Variants in KCNQ3 observed in about 807,000 individuals in gnomAD.
KCNQ3 encodes the protein potassium voltage-gated channel subfamily Q member 3.
In KCNQ3, 30 loss-of-function variants were observed where a neutral mutation model predicts 92.5. The observed-to-expected ratio is 0.32, with a 90% CI of 0.24 to 0.44. The LOEUF (loss-of-function observed/expected upper bound fraction) is 0.44, where lower values mean the gene tolerates loss of function less well. Ranked by LOEUF, KCNQ3 falls within the 20% of genes least tolerant of loss-of-function variation. The pLI is 1.00. For missense variants in KCNQ3, 913 were observed against 1,140.3 expected, an observed-to-expected ratio of 0.80 and a Z score of 2.87; for synonymous variants, 450 against 468.8, an observed-to-expected ratio of 0.96 and a Z score of 0.52.
At chr8:132,198,402 G>A (rs531099356) in intron 1 of KCNQ3, among the ~76,000 whole-genome samples, 1 of 152,356 alleles carries the variant, frequency 6.6e-6, no homozygotes, top group African/African-American at 2.4e-5. Context: ...AGTTTGTTAT[G>A]CAGGAATAGA....
At chr8:132,192,766 C>T (rs114680182) in intron 1 of KCNQ3, among the ~76,000 whole-genome samples, 115 of 152,330 alleles carry the variant, frequency 7.5e-4, no homozygotes, top group African/African-American at 2.7e-3. Context: ...TCTTCTGCCT[C>T]AGTCTCCCAA....
intron 1 of KCNQ3, among the ~76,000 whole-genome samples, chr8:132,329,326 C>G (rs1586931497): frequency 6.6e-6 from 1 of 152,164 alleles, no homozygotes; most frequent in East Asian, 1.9e-4. Context: ...GTGCTGCAAC[C>G]CAGGTAACGA....
At chr8:132,451,597 GGAA>G (rs1243105905) in intron 1 of KCNQ3, among the ~76,000 whole-genome samples, 9 of 152,184 alleles carry the variant, frequency 5.9e-5, no homozygotes, top group South Asian at 2.1e-4. Flanking sequence ...CAAAGTGCAG[GGAA>G]GAAGAAGATT....
chr8:132,299,161 CATAT>C (rs35617146), intron 1 of KCNQ3, among the ~76,000 whole-genome samples: 5,913 of 140,156 alleles, frequency 0.042, 389 homozygotes, highest in African/African-American at 0.15. Context: ...GCACATAGTA[CATAT>C]ATATATATAT....
intron 1 of KCNQ3, among the ~76,000 whole-genome samples, chr8:132,358,799 C>T (rs1173850222): frequency 2.0e-5 from 3 of 152,136 alleles, no homozygotes; most frequent in Non-Finnish European, 4.4e-5. Context: ...TGTACACTGT[C>T]GCTGAATAAG....
chr8:132,438,420 C>T (rs1821451350), intron 1 of KCNQ3, among the ~76,000 whole-genome samples: 1 of 152,110 alleles, frequency 6.6e-6, no homozygotes. Flanking sequence ...ATCTGAGGAA[C>T]TTAGGGACTC....
intron 1 of KCNQ3, among the ~76,000 whole-genome samples, chr8:132,252,631 C>T (rs1456091792): frequency 1.3e-5 from 2 of 152,328 alleles, no homozygotes; most frequent in African/African-American, 2.4e-5. Flanking sequence ...TTGGCCCCAC[C>T]TACATCCTGC....
intron 1 of KCNQ3, among the ~76,000 whole-genome samples, chr8:132,236,030 A>C (rs1814805207): frequency 6.6e-6 from 1 of 152,212 alleles, no homozygotes; most frequent in South Asian, 2.1e-4. Flanking sequence ...GAAACAGTTG[A>C]TAAATGGGCT....
At chr8:132,468,542 G>A (rs777424423) in intron 1 of KCNQ3, among the ~76,000 whole-genome samples, 15 of 152,238 alleles carry the variant, frequency 9.9e-5, no homozygotes, top group Admixed American at 6.5e-4. Context: ...TTGGTGATTT[G>A]CAAGCAGGCA....
At chr8:132,238,365 T>C (rs1161456123) in intron 1 of KCNQ3, among the ~76,000 whole-genome samples, 6 of 152,168 alleles carry the variant, frequency 3.9e-5, no homozygotes, top group Non-Finnish European at 1.5e-5. Context: ...TGGTCCTAAC[T>C]GAACCATTGG....
chr8:132,304,051 CAG>C (rs1013204888), intron 1 of KCNQ3, among the ~76,000 whole-genome samples: 6 of 152,024 alleles, frequency 3.9e-5, no homozygotes, highest in African/African-American at 1.4e-4. Context: ...AACTTAAAAA[CAG>C]AAAGTCAAAT....
At chr8:132,137,681 G>A (rs1002281091) in intron 12 of KCNQ3, among the ~76,000 whole-genome samples, 1 of 152,110 alleles carries the variant, frequency 6.6e-6, no homozygotes, top group Admixed American at 6.5e-5. Flanking sequence ...TGCTGACCTT[G>A]GCCATGGCAA....
chr8:132,404,398 T>C (rs1160959853), intron 1 of KCNQ3, among the ~76,000 whole-genome samples: 2 of 152,218 alleles, frequency 1.3e-5, no homozygotes, highest in Non-Finnish European at 2.9e-5. Flanking sequence ...GGCTAATTTA[T>C]AGAGGTGATT....
chr8:132,323,287 A>G (rs561591220), intron 1 of KCNQ3, among the ~76,000 whole-genome samples: 11 of 152,162 alleles, frequency 7.2e-5, no homozygotes, highest in Non-Finnish European at 1.5e-4. Context: ...CATGGGTCCA[A>G]TCCAAGGGGC....
At position 132,480,199 on chromosome 8, in the gene KCNQ3, A is replaced by G. The variant is rs773139430; in HGVS notation, c.334T>C (p.Tyr112His). Residue 112 changes from tyrosine (Y) to histidine (H), a missense_variant, in exon 1 of 15, where the codon TAC (tyrosine) becomes CAC (histidine). By Grantham distance (83) the Tyr-to-His change is moderately conservative. This residue lies in a region of KCNQ3 where 183 missense variants were observed against 167.7 expected (regional missense o/e 1.09). Transcript: ENST00000388996. ...AKYRRIQTLIYDALERPRGWA... is the reference protein window; with the variant it reads ...AKYRRIQTLIHDALERPRGWA... Reference sequence around the variant, plus strand: ...CCCCGCGGTCTCTCCAGGGCGTCGTAGATCAAAGTTTGGATGCGCCGGTAC... The same window carrying G: ...CCCCGCGGTCTCTCCAGGGCGTCGTGGATCAAAGTTTGGATGCGCCGGTAC... The G allele has an allele frequency of 6.2e-7, 1 of 1,613,156 alleles. No individual in the cohort carries two copies. Among genetic ancestry groups the G allele is most frequent in the African/African-American group, 1.3e-5 (1 of 74,926 alleles).
intron 1 of KCNQ3, among the ~76,000 whole-genome samples, chr8:132,429,793 G>A (rs781013198): frequency 8.0e-5 from 12 of 150,440 alleles, no homozygotes; most frequent in Admixed American, 2.0e-4. Context: ...CCCAGGAGGC[G>A]GAGGTTGCAG....
intron 1 of KCNQ3, among the ~76,000 whole-genome samples, chr8:132,462,079 T>C (rs1822073162): frequency 1.3e-5 from 2 of 152,252 alleles, no homozygotes; most frequent in African/African-American, 4.8e-5. Context: ...AGCACCATTT[T>C]AGTCTTGACT....
chr8:132,457,578 G>C (rs1821971202), intron 1 of KCNQ3, among the ~76,000 whole-genome samples: 1 of 152,110 alleles, frequency 6.6e-6, no homozygotes, highest in South Asian at 2.1e-4. Flanking sequence ...CCCTAACCCA[G>C]ACTCTGACAC....
At chr8:132,217,654 T>C (rs1026970523) in intron 1 of KCNQ3, among the ~76,000 whole-genome samples, 2 of 138,076 alleles carry the variant, frequency 1.4e-5, no homozygotes, top group Admixed American at 1.6e-4. Flanking sequence ...GAGCTTGCAG[T>C]GAGCCAAGAT....
Sources: gnomAD v4.1 joint callset for allele counts (sites outside exome capture counted in the v4.1 genomes callset) on GRCh38, gnomAD v4.1.1 for gene constraint, gnomAD v4.1.1 regional missense constraint, MANE v1.5 for transcripts, NCBI Gene and HGNC (gene_info 2026-07-23, HGNC 2026-07-21) for gene names.